The following ST3GAL5 variants were observed in gnomAD, a reference collection of about 807,000 sequenced individuals.
ST3GAL5 encodes the protein ST3 beta-galactoside alpha-2,3-sialyltransferase 5, also known as lactosylceramide alpha-2,3-sialyltransferase.
A neutral mutation model predicts 46.1 loss-of-function variants in ST3GAL5; 25 were observed. That is an observed-to-expected ratio of 0.54 (90% CI 0.40 to 0.76). The LOEUF (loss-of-function observed/expected upper bound fraction) is 0.76. ST3GAL5 is among the 30% of genes least tolerant of loss of function. The probability of loss-of-function intolerance (pLI) is 0.00; values close to 1 mark genes in which losing one functional copy is unlikely to be tolerated. For missense variants in ST3GAL5, 431 were observed against 521.2 expected (o/e 0.83, Z 1.69); for synonymous variants, 182 against 192.7 (o/e 0.94, Z 0.46).
Position 85,863,443 on chromosome 2 carries a change from CA to C in ST3GAL5, c.124del (p.Cys42AlafsTer16), listed in dbSNP as rs777319882. Reference sequence around the variant, plus strand: ...GTACCATTGCAGGGAAGGCCTCGAGCAATCACTTCTCAGTTTCACATAGGTG... The same window carrying C: ...GTACCATTGCAGGGAAGGCCTCGAGCATCACTTCTCAGTTTCACATAGGTG... The part of the protein sequence containing the change: ...EYTYVKLRSD[C>X]SRPSLQWYTR... On this transcript the variant is annotated frameshift_variant, in exon 2 of 7. Coordinates refer to ENST00000638572, the MANE Select transcript of ST3GAL5 (RefSeq NM_003896.4). LOFTEE classifies it high-confidence loss of function. 6.1e-5 allele frequency: 99 copies of C among 1,614,048 alleles called. No homozygotes were observed. Among genetic ancestry groups the C allele is most frequent in the Non-Finnish European group, 7.5e-5 (88 of 1,180,044 alleles).
chr2:85,851,511 G>C, intron 3 of ST3GAL5: 1 of 1,288,126 alleles, frequency 7.8e-7, no homozygotes, highest in South Asian at 1.2e-5. Context: ...TCCACTCTGG[G>C]ATGGTTTCTG....
Position 85,885,541 on chromosome 2 carries a change from G to A in ST3GAL5, c.82+3283C>T, listed in dbSNP as rs551038284. On this transcript the variant is annotated intron_variant, in intron 1 of 6. Transcript: ENST00000638572. ...TACCAGTGTGATCATTTCAAAACTG[G>A]AATAAGGTCGGGCGCGGTGGCTCAC... Among the ~76,000 whole-genome samples, 15 of 152,292 alleles carry A rather than the reference G, an allele frequency of 9.8e-5. No homozygotes were observed. The South Asian group carries it at 1.2e-3, about 13-fold the overall frequency.
intron 6 of ST3GAL5, among the ~76,000 whole-genome samples, chr2:85,843,756 C>T (rs961234885): frequency 4.6e-5 from 7 of 152,222 alleles, no homozygotes; most frequent in African/African-American, 1.7e-4. Context: ...GCAGCACTTG[C>T]TAATTGCAGG....
intron 3 of ST3GAL5, chr2:85,853,146 C>A: frequency 8.2e-7 from 1 of 1,222,692 alleles, no homozygotes. Flanking sequence ...TACTACACAG[C>A]CCAAACCGAA....
At chr2:85,846,329 T>C (rs1682791366) in intron 5 of ST3GAL5, 48 bp downstream of exon 5, 1 of 1,549,228 alleles carries the variant, frequency 6.5e-7, no homozygotes, top group Admixed American at 1.7e-5. Context: ...TAAGTAAGAC[T>C]CCTTCACTTT....
At position 85,839,682 on chromosome 2, in the gene ST3GAL5, C is replaced by T. The variant is rs548542842; in HGVS notation, c.*462G>A. 3.0e-5 allele frequency: 8 copies of T among 268,260 alleles called. No individual in the cohort carries two copies. The highest frequency in any genetic ancestry group is 4.5e-5 in the African/African-American group (2 of 44,140). 16.6% of individuals were successfully genotyped at this position (268,260 alleles called of 1,614,324 possible). A position where few individuals can be genotyped will look rare whatever the true frequency, so the allele number is the denominator to read the frequency against. On this transcript the variant is annotated 3_prime_UTR_variant, in exon 7 of 7. Transcript: ENST00000638572. ...AGACCCAGTATCAGCAGCAGAGCTA[C>T]GGAGCACGTCATCCTGGGAGTGGAT... is the stretch of plus-strand genomic sequence containing the variant.
intron 1 of ST3GAL5, among the ~76,000 whole-genome samples, chr2:85,874,519 T>C (rs1475009995): frequency 6.6e-6 from 1 of 151,998 alleles, no homozygotes. Context: ...CCATCTCCGT[T>C]CTGGTTTTCA....
chr2:85,870,141 T>G (rs756732788), intron 1 of ST3GAL5: 3 of 463,192 alleles, frequency 6.5e-6, no homozygotes, highest in Non-Finnish European at 1.4e-5. Context: ...TCATGAGACA[T>G]GTGATTCTTC....
intron 3 of ST3GAL5, among the ~76,000 whole-genome samples, chr2:85,852,117 CAAGT>C (rs565755438): frequency 7.0e-4 from 107 of 152,342 alleles, no homozygotes; most frequent in Middle Eastern, 3.4e-3. Context: ...CTCAGAAATA[CAAGT>C]AAGTGGCATA....
intron 6 of ST3GAL5, among the ~76,000 whole-genome samples, chr2:85,841,281 T>C (rs1682052038): frequency 6.6e-6 from 1 of 152,032 alleles, no homozygotes; most frequent in African/African-American, 2.4e-5. Context: ...CATTTCCCTA[T>C]GTAGAGCTGC....
At chr2:85,881,105 T>C (rs1276000726) in intron 1 of ST3GAL5, among the ~76,000 whole-genome samples, 1 of 152,230 alleles carries the variant, frequency 6.6e-6, no homozygotes, top group African/African-American at 2.4e-5. Context: ...TGAGATCTGA[T>C]GCATTTATCA....
intron 3 of ST3GAL5, chr2:85,860,980 A>G (rs921487735): frequency 3.5e-6 from 2 of 573,036 alleles, no homozygotes; most frequent in Middle Eastern, 4.8e-4. Flanking sequence ...AGTAAATGGG[A>G]GAAGGATACT....
At chr2:85,850,348 A>G (rs1683342534) in intron 3 of ST3GAL5, 1 of 152,282 alleles carries the variant, frequency 6.6e-6, no homozygotes, top group Non-Finnish European at 1.5e-5. Flanking sequence ...CTCCTAAAAC[A>G]ACAGCCTCTA....
rs374393949 is a variant in ST3GAL5, at chr2:85,863,352, C to G, written c.206+10G>C. 4.3e-6 allele frequency: 7 copies of G among 1,613,794 alleles called. No individual in the cohort carries two copies. Among genetic ancestry groups the G allele is most frequent in the Non-Finnish European group, 5.9e-6 (7 of 1,179,972 alleles). On this transcript the variant is annotated intron_variant, in intron 2 of 6. Coordinates refer to ENST00000638572, the MANE Select transcript of ST3GAL5 (RefSeq NM_003896.4). ...GCAGGGGGATCTACAGTCCCAGGGG[C>G]GGTACTTACTTGAGGATGTCTTTTA...
In ST3GAL5 at chr2:85,847,769, T is replaced by C. The variant is rs565971841; in HGVS notation, c.662+92A>G. 2.4e-4 allele frequency: 354 copies of C among 1,497,108 alleles called. 1 individual carries two copies. The African/African-American group carries it at 3.3e-3, about 14-fold the overall frequency. The allele number at this position is 1,497,108 out of a possible 1,614,324, so 92.7% of individuals were successfully genotyped here. A position where few individuals can be genotyped will look rare whatever the true frequency, so the allele number is the denominator to read the frequency against. On this transcript the variant is annotated intron_variant, in intron 4 of 6. Transcript: ENST00000638572. ...GAGATCACACCACTGCACTCCAGCCTGGACAACAGGAGTGAGACCCTGCCT... is the reference window on the plus strand; with the variant it reads ...GAGATCACACCACTGCACTCCAGCCCGGACAACAGGAGTGAGACCCTGCCT...
At chr2:85,852,387 G>C (rs564483483) in intron 3 of ST3GAL5, among the ~76,000 whole-genome samples, 1 of 152,276 alleles carries the variant, frequency 6.6e-6, no homozygotes, top group East Asian at 1.9e-4. Flanking sequence ...CCCAGTACCT[G>C]GCATGTGTGG....
At position 85,852,368 on chromosome 2, in the gene ST3GAL5, A is replaced by G. The variant is rs113651387; in HGVS notation, c.319-4164T>C. The stretch of plus-strand genomic sequence containing the variant: ...CTTCGCAGGTTGCTCTGATGCCCTA[A>G]GCATTTTGCCCAGTACCTGGCATGT... On this transcript the variant is annotated intron_variant, in intron 3 of 6. Transcript: ENST00000638572. Among the ~76,000 whole-genome samples, 85 of 152,320 alleles carry G rather than the reference A, an allele frequency of 5.6e-4. 2 individuals carry two copies. The highest frequency in any genetic ancestry group is 2.0e-3 in the African/African-American group (82 of 41,574).
intron 3 of ST3GAL5, among the ~76,000 whole-genome samples, chr2:85,859,879 G>T (rs974217940): frequency 3.9e-5 from 6 of 152,176 alleles, no homozygotes; most frequent in Non-Finnish European, 5.9e-5. Context: ...GTGGCAGTTA[G>T]ATTTGAATTG....
chr2:85,842,963 G>C (rs986249963), intron 6 of ST3GAL5, among the ~76,000 whole-genome samples: 6 of 152,002 alleles, frequency 3.9e-5, no homozygotes, highest in Non-Finnish European at 5.9e-5. Flanking sequence ...TCTCCATGTT[G>C]GTCAGGCTGG....
Sources: gnomAD v4.1 joint callset for allele counts (sites outside exome capture counted in the v4.1 genomes callset) on GRCh38, gnomAD v4.1.1 for gene constraint, MANE v1.5 for transcripts, NCBI Gene and HGNC (gene_info 2026-07-23, HGNC 2026-07-21) for gene names.